Variants in LY86 observed in about 807,000 individuals in gnomAD.
LY86 encodes lymphocyte antigen 86, also known as MD-1, RP105-associated.
In LY86, 20 loss-of-function variants were observed where a neutral mutation model predicts 17.3. The observed-to-expected ratio is 1.15, with a 90% CI of 0.81 to 1.68. The LOEUF is 1.68. LY86 is among the 40% of genes most tolerant of loss of function. LY86 has a pLI of 0.00. For synonymous variants in LY86, 74 were observed against 70.6 expected, an observed-to-expected ratio of 1.05 and a Z score of -0.24; for missense variants, 200 against 191.9, an observed-to-expected ratio of 1.04 and a Z score of -0.25.
At chr6:6,608,425 G>C (rs904324104) in intron 1 of LY86, among the ~76,000 whole-genome samples, 4 of 152,160 alleles carry the variant, frequency 2.6e-5, no homozygotes, top group African/African-American at 9.7e-5. Flanking sequence ...CTACAATTGT[G>C]TCCCTCCTCC....
intron 1 of LY86, among the ~76,000 whole-genome samples, chr6:6,607,596 A>C (rs1761220137): frequency 6.6e-6 from 1 of 152,206 alleles, no homozygotes; most frequent in South Asian, 2.1e-4. Flanking sequence ...GGATAAAATA[A>C]TTATTAAAAT....
At chr6:6,651,571 T>C (rs1762187368) in intron 4 of LY86, among the ~76,000 whole-genome samples, 1 of 152,200 alleles carries the variant, frequency 6.6e-6, no homozygotes. Flanking sequence ...TTTCTTTAAA[T>C]CTTTGCTATT....
intron 1 of LY86, among the ~76,000 whole-genome samples, chr6:6,612,322 C>G (rs1199698100): frequency 6.6e-6 from 1 of 152,230 alleles, no homozygotes; most frequent in African/African-American, 2.4e-5. Context: ...AGGCGTGAAA[C>G]TGCAGACCCT....
intron 1 of LY86, among the ~76,000 whole-genome samples, chr6:6,605,597 C>G (rs964495523): frequency 6.6e-6 from 1 of 152,292 alleles, no homozygotes; most frequent in Non-Finnish European, 1.5e-5. Flanking sequence ...GTCATAGTCT[C>G]ATGACATTGC....
intron 3 of LY86, among the ~76,000 whole-genome samples, chr6:6,640,424 G>A (rs538549223): frequency 6.6e-6 from 1 of 152,032 alleles, no homozygotes; most frequent in Admixed American, 6.5e-5. Flanking sequence ...AAAAAGGCAG[G>A]AGGGGGCAGG....
At chr6:6,603,652 C>CAT in intron 1 of LY86, among the ~76,000 whole-genome samples, 1 of 138,344 alleles carries the variant, frequency 7.2e-6, no homozygotes, top group African/African-American at 2.6e-5. Flanking sequence ...CACACACACA[C>CAT]ACAGAGTGGA....
intron 1 of LY86, among the ~76,000 whole-genome samples, chr6:6,612,143 T>C (rs549658598): frequency 4.6e-5 from 7 of 150,856 alleles, no homozygotes; most frequent in Admixed American, 3.3e-4. Context: ...CTCCTAAGAT[T>C]GATAGATGTG....
At chr6:6,613,184 C>T (rs1194346094) in intron 1 of LY86, among the ~76,000 whole-genome samples, 2 of 152,236 alleles carry the variant, frequency 1.3e-5, no homozygotes, top group Non-Finnish European at 2.9e-5. Flanking sequence ...CTCCAAGTTC[C>T]CACCAGACTC....
intron 1 of LY86, among the ~76,000 whole-genome samples, chr6:6,596,127 C>T (rs1283685224): frequency 6.6e-6 from 1 of 152,242 alleles, no homozygotes; most frequent in Non-Finnish European, 1.5e-5. Context: ...ACAAAGCCTG[C>T]ATCAAGTCAC....
At chr6:6,589,674 T>C (rs1760465817) in intron 1 of LY86, among the ~76,000 whole-genome samples, 1 of 152,178 alleles carries the variant, frequency 6.6e-6, no homozygotes, top group Non-Finnish European at 1.5e-5. Flanking sequence ...AGACCTCTCT[T>C]CTTTGCTTCT....
chr6:6,594,585 C>A (rs1407961041), intron 1 of LY86, among the ~76,000 whole-genome samples: 5 of 152,210 alleles, frequency 3.3e-5, no homozygotes, highest in African/African-American at 1.2e-4. Context: ...CTCTTAAACT[C>A]TTCGCCAGAT....
rs1037213933 is a variant in LY86 at position 6,604,186 on chromosome 6, A to G, written c.136+15316A>G. On this transcript the variant is annotated intron_variant, in intron 1 of 4. Transcript: ENST00000230568. Reference sequence around the variant, plus strand: ...ATTTCACTGGGTCTCTAAATTTTTAACCATAAGCTCACAGTCCAAAATTCA... The same window carrying G: ...ATTTCACTGGGTCTCTAAATTTTTAGCCATAAGCTCACAGTCCAAAATTCA... Among the ~76,000 whole-genome samples the G allele has an allele frequency of 3.3e-5, 5 of 152,228 alleles. No homozygotes were observed. The East Asian group carries it at 5.8e-4, about 18-fold the overall frequency.
intron 3 of LY86, among the ~76,000 whole-genome samples, chr6:6,646,991 T>C (rs961370649): frequency 6.6e-6 from 1 of 152,202 alleles, no homozygotes; most frequent in African/African-American, 2.4e-5. Flanking sequence ...CCACTGTCCA[T>C]GAATATTGTA....
intron 3 of LY86, among the ~76,000 whole-genome samples, chr6:6,633,573 T>G (rs1245134788): frequency 6.6e-6 from 1 of 151,958 alleles, no homozygotes; most frequent in East Asian, 1.9e-4. Flanking sequence ...TTTCCGATGC[T>G]CTCCCTCCTC....
intron 4 of LY86, among the ~76,000 whole-genome samples, chr6:6,654,088 C>T (rs1038532592): frequency 1.8e-4 from 27 of 152,240 alleles, no homozygotes; most frequent in African/African-American, 2.9e-4. Flanking sequence ...ACCTCACCCC[C>T]CCCATCCCCC....
chr6:6,613,016 A>ATTGGTGTATTTACAATCCC (rs1432391074), intron 1 of LY86, among the ~76,000 whole-genome samples: 2 of 152,054 alleles, frequency 1.3e-5, no homozygotes, highest in Admixed American at 1.3e-4. Context: ...CAGAGTGCTG[A>ATTGGTGTATTTACAATCCC]TTGGTGTATT....
intron 3 of LY86, among the ~76,000 whole-genome samples, chr6:6,628,793 A>G (rs1235491147): frequency 6.6e-6 from 1 of 152,252 alleles, no homozygotes; most frequent in Non-Finnish European, 1.5e-5. Flanking sequence ...AAGTAAAGAC[A>G]CAATAGATAC....
chr6:6,604,898 G>T (rs972506708), intron 1 of LY86, among the ~76,000 whole-genome samples: 5 of 150,718 alleles, frequency 3.3e-5, no homozygotes, highest in African/African-American at 1.2e-4. Context: ...TAGACTGACA[G>T]CTGGCTCCAG....
chr6:6,600,587 CAAAA>C (rs59560744), intron 1 of LY86, among the ~76,000 whole-genome samples: 18 of 82,460 alleles, frequency 2.2e-4, no homozygotes, highest in Middle Eastern at 8.3e-3. Flanking sequence ...GAGACTCCAT[CAAAA>C]AAAAAAAAAA....
Sources: allele counts gnomAD v4.1 joint callset (sites outside exome capture counted in the v4.1 genomes callset), GRCh38; gene constraint gnomAD v4.1.1; transcripts MANE v1.5; gene names NCBI Gene and HGNC (gene_info 2026-07-23, HGNC 2026-07-21).